ATXN7L1: variants seen among roughly 807,000 people sequenced by gnomAD.
The protein encoded by ATXN7L1 is ataxin 7 like 1.
ATXN7L1 carries 15 observed loss-of-function variants against 70.8 expected under a neutral mutation model. The ratio of observed to expected loss-of-function variants is 0.21; its 90% confidence interval spans 0.14 to 0.33. The LOEUF (loss-of-function observed/expected upper bound fraction) is 0.33, where lower values mean the gene tolerates loss of function less well. Ranked by LOEUF, ATXN7L1 falls within the 10% of genes least tolerant of loss-of-function variation. The pLI is 1.00. For missense variants in ATXN7L1, 975 were observed against 1,097.1 expected (o/e 0.89, Z 1.57); for synonymous variants, 440 against 445.1 (o/e 0.99, Z 0.14).
At chr7:105,675,885 T>C (rs1295273887) in intron 3 of ATXN7L1, among the ~76,000 whole-genome samples, 1 of 91,850 alleles carries the variant, frequency 1.1e-5, no homozygotes, top group Non-Finnish European at 2.2e-5. Flanking sequence ...TCATTCACTC[T>C]TTTTTTTTTT....
In ATXN7L1 at chr7:105,759,479, TGTGTG is replaced by T. The variant is rs1563070782; in HGVS notation, c.355+29120_355+29124del. Reference sequence around the variant, plus strand: ...GTGTGTGTGTGTGTGTGTGTGTGTGTGTGTGTGTGTGTATGTCAGAGTGACCTATC... The same window carrying T: ...GTGTGTGTGTGTGTGTGTGTGTGTGTTGTGTGTATGTCAGAGTGACCTATC... On this transcript the variant is annotated intron_variant, in intron 3 of 11. Transcript: ENST00000419735. Among the ~76,000 whole-genome samples the T allele has an allele frequency of 1.9e-4, 23 of 122,804 alleles. 1 individual carries two copies. The highest frequency in any genetic ancestry group is 7.5e-3 in the Middle Eastern group (2 of 268). The allele number at this position is 122,804 out of a possible 152,430, so 80.6% of individuals were successfully genotyped here. A position where few individuals can be genotyped will look rare whatever the true frequency, so the allele number is the denominator to read the frequency against.
chr7:105,605,476 G>C lies in ATXN7L1; in HGVS notation c.*2376C>G, dbSNP rs1432231208. The C allele has an allele frequency of 4.6e-3, 24 of 5,230 alleles. No homozygotes were observed. Among genetic ancestry groups the C allele is most frequent in the Non-Finnish European group, 0.01 (16 of 1,562 alleles). 0.3% of individuals were successfully genotyped at this position (5,230 alleles called of 1,614,324 possible). A position where few individuals can be genotyped will look rare whatever the true frequency, so the allele number is the denominator to read the frequency against. ...AAAGTAAGCAGCATTCGATGAGGGTGGGGGGGGGGGTGGGGGCTCTTTATT... is the reference window on the plus strand; with the variant it reads ...AAAGTAAGCAGCATTCGATGAGGGTCGGGGGGGGGGTGGGGGCTCTTTATT... On this transcript the variant is annotated 3_prime_UTR_variant, in exon 12 of 12. Transcript: ENST00000419735.
At chr7:105,841,234 G>A (rs1006835596) in intron 2 of ATXN7L1, among the ~76,000 whole-genome samples, 3 of 152,192 alleles carry the variant, frequency 2.0e-5, no homozygotes, top group African/African-American at 7.2e-5. Flanking sequence ...GAGACCGCAG[G>A]TTCTGCAGTT....
intron 2 of ATXN7L1, chr7:105,875,115 T>C (rs1008354531): frequency 6.6e-6 from 1 of 152,662 alleles, no homozygotes; most frequent in Non-Finnish European, 1.5e-5. Context: ...ATATGATTTA[T>C]TTATGACGAC....
At chr7:105,818,881 T>C (rs1233032795) in intron 2 of ATXN7L1, among the ~76,000 whole-genome samples, 2 of 145,994 alleles carry the variant, frequency 1.4e-5, no homozygotes, top group Non-Finnish European at 3.0e-5. Context: ...GGACAGCTAA[T>C]CTACCCACTG....
At chr7:105,842,319 T>A (rs1299873498) in intron 2 of ATXN7L1, among the ~76,000 whole-genome samples, 3 of 152,146 alleles carry the variant, frequency 2.0e-5, no homozygotes, top group Non-Finnish European at 4.4e-5. Flanking sequence ...ACTACCACTA[T>A]CTAATATGAG....
chr7:105,761,077 G>T, intron 3 of ATXN7L1: 1 of 843,320 alleles, frequency 1.2e-6, no homozygotes. Context: ...AGGAGCAAGA[G>T]TGGAAGCAGG....
intron 3 of ATXN7L1, among the ~76,000 whole-genome samples, chr7:105,772,183 C>T (rs1442638369): frequency 6.7e-6 from 1 of 149,008 alleles, no homozygotes; most frequent in East Asian, 2.0e-4. Flanking sequence ...AAGCGATTCT[C>T]CTGCCTCAGC....
intron 3 of ATXN7L1, among the ~76,000 whole-genome samples, chr7:105,727,947 G>A (rs991817667): frequency 2.7e-5 from 4 of 150,854 alleles, no homozygotes; most frequent in African/African-American, 9.8e-5. Context: ...GCTTGTAGTA[G>A]TATTAAGAAG....
At chr7:105,640,024 C>G (rs1296352450) in intron 5 of ATXN7L1, among the ~76,000 whole-genome samples, 1 of 152,216 alleles carries the variant, frequency 6.6e-6, no homozygotes, top group Non-Finnish European at 1.5e-5. Context: ...TACAGACACC[C>G]TGACTCCAGC....
chr7:105,614,311 T>C lies in ATXN7L1; in HGVS notation c.2023A>G (p.Lys675Glu), dbSNP rs1793512080. The C allele has an allele frequency of 1.3e-6, 2 of 1,552,138 alleles. No homozygotes were observed. The highest frequency in any genetic ancestry group is 1.7e-6 in the Non-Finnish European group (2 of 1,147,124). ...SLSSPLSGPH[K>E]KNCVLNASSA... ...CTGGCATTCAAAACACAGTTCTTTT[T>C]GTGAGGCCCTGACAGTGGAGACGAG... is the stretch of plus-strand genomic sequence containing the variant. The change falls in exon 10 of 12, where the codon AAA (lysine) becomes GAA (glutamate). Residue 675 changes from lysine (K) to glutamate (E), a missense_variant. Physicochemically the swap from Lys to Glu is moderately conservative, Grantham distance 56. Around this residue, in one of 5 missense-constraint regions of ATXN7L1, gnomAD observed 635 missense variants for 699.4 expected, o/e 0.91. Coordinates refer to ENST00000419735, the MANE Select transcript of ATXN7L1 (RefSeq NM_020725.2). This position sits in a 1 kb window ranked among gnomAD's most constrained non-coding sequence, Gnocchi z 4.3.
intron 2 of ATXN7L1, among the ~76,000 whole-genome samples, chr7:105,803,002 C>G (rs1165645151): frequency 6.6e-6 from 1 of 152,194 alleles, no homozygotes; most frequent in Non-Finnish European, 1.5e-5. Flanking sequence ...GGTCAAATGC[C>G]CACATGAGAA....
intron 2 of ATXN7L1, among the ~76,000 whole-genome samples, chr7:105,803,726 T>A (rs568151671): frequency 6.6e-6 from 1 of 152,322 alleles, no homozygotes; most frequent in Non-Finnish European, 1.5e-5. Flanking sequence ...GTTTTCCAGG[T>A]AACTTTGATG....
intron 6 of ATXN7L1, among the ~76,000 whole-genome samples, chr7:105,639,043 A>C (rs75285193): frequency 6.6e-6 from 1 of 151,984 alleles, no homozygotes; most frequent in Non-Finnish European, 1.5e-5. Context: ...GGGCGACCCA[A>C]TGGCGGCCGC....
intron 3 of ATXN7L1, among the ~76,000 whole-genome samples, chr7:105,701,903 T>C (rs1487364122): frequency 6.6e-6 from 1 of 152,220 alleles, no homozygotes; most frequent in Non-Finnish European, 1.5e-5. Context: ...CACTGGCTTA[T>C]GGTTTTACTT....
Position 105,836,631 on chromosome 7 carries a change from T to G in ATXN7L1, c.250+39181A>C, listed in dbSNP as rs1016595414. 2.6e-5 allele frequency among the ~76,000 whole-genome samples: 4 copies of G among 152,200 alleles called. No individual in the cohort carries two copies. In the South Asian group the frequency reaches 8.3e-4, roughly 32 times the overall value. On this transcript the variant is annotated intron_variant, in intron 2 of 11. Transcript: ENST00000419735. ...CAGGGCAGGTGGTTCCCTCCACACATCTGCCTACTCCATAGCACCTGGCCC... is the reference window on the plus strand; with the variant it reads ...CAGGGCAGGTGGTTCCCTCCACACAGCTGCCTACTCCATAGCACCTGGCCC...
intron 2 of ATXN7L1, among the ~76,000 whole-genome samples, chr7:105,854,522 TTA>T: frequency 5.6e-5 from 2 of 35,492 alleles, no homozygotes; most frequent in Non-Finnish European, 5.1e-5. Context: ...CCCCAGACCC[TTA>T]TAGAGGAAAA....
intron 3 of ATXN7L1, chr7:105,691,667 A>G (rs1790865812): frequency 1.3e-5 from 2 of 151,802 alleles, no homozygotes; most frequent in African/African-American, 4.8e-5. Context: ...GTAAAAAAAA[A>G]AAAAAGAAAA....
At chr7:105,677,048 G>A (rs1384609461) in intron 3 of ATXN7L1, among the ~76,000 whole-genome samples, 1 of 152,258 alleles carries the variant, frequency 6.6e-6, no homozygotes, top group Admixed American at 6.5e-5. Flanking sequence ...GTGGAGGGAG[G>A]ATCCTGGCTG....
Sources: gnomAD v4.1 joint callset for allele counts (sites outside exome capture counted in the v4.1 genomes callset) on GRCh38, gnomAD v4.1.1 for gene constraint, gnomAD v4.1.1 regional missense constraint, Gnocchi (gnomAD v3.1) non-coding constraint, MANE v1.5 for transcripts, NCBI Gene and HGNC (gene_info 2026-07-23, HGNC 2026-07-21) for gene names.